ATP8A1: variants seen among roughly 807,000 people sequenced by gnomAD.
ATP8A1 encodes phospholipid-transporting ATPase IA.
A neutral mutation model predicts 177.7 loss-of-function variants in ATP8A1; 90 were observed. That is an observed-to-expected ratio of 0.51 (90% CI 0.43 to 0.60). ATP8A1 has a LOEUF of 0.60. ATP8A1 is among the 20% of genes least tolerant of loss of function. ATP8A1 has a pLI of 0.00. For synonymous variants in ATP8A1, 493 were observed against 485.9 expected (o/e 1.01, Z -0.19); for missense variants, 1,072 against 1,392.8 (o/e 0.77, Z 3.67).
intron 25 of ATP8A1, among the ~76,000 whole-genome samples, chr4:42,477,003 A>G (rs1721135813): frequency 6.6e-6 from 1 of 152,164 alleles, no homozygotes; most frequent in African/African-American, 2.4e-5. Context: ...CACATACACA[A>G]GCACACACAC....
chr4:42,606,855 A>T (rs1735844075), intron 5 of ATP8A1, among the ~76,000 whole-genome samples: 1 of 152,234 alleles, frequency 6.6e-6, no homozygotes, highest in African/African-American at 2.4e-5. Flanking sequence ...TTTATCAGAT[A>T]CAACCAGATA....
intron 15 of ATP8A1, chr4:42,562,141 C>T (rs1056572344): frequency 2.0e-5 from 3 of 152,200 alleles, no homozygotes; most frequent in African/African-American, 7.2e-5. Flanking sequence ...GGAGTCTCTT[C>T]TATTTTGGAG....
Position 42,575,669 on chromosome 4 carries a change from T to C in ATP8A1, c.1159A>G (p.Thr387Ala), listed in dbSNP as rs1364992384. ...DLDMHYEPTD[T>A]AAMARTSNLN... ...TTAGATGTTCGAGCCATAGCAGCAG[T>C]GTCTGTGGGTTCATAGTGCATGTCA... The change falls in exon 13 of 37, where the codon ACT becomes GCT. Residue 387 changes from threonine (T) to alanine (A), a missense_variant. Transcript: ENST00000381668. 1 of 1,613,740 alleles carries C rather than the reference T, an allele frequency of 6.2e-7. No individual in the cohort carries two copies. The highest frequency in any genetic ancestry group is 1.1e-5 in the South Asian group (1 of 91,078).
At chr4:42,503,782 C>T (rs1724086744) in intron 23 of ATP8A1, among the ~76,000 whole-genome samples, 1 of 152,146 alleles carries the variant, frequency 6.6e-6, no homozygotes, top group African/African-American at 2.4e-5. Context: ...CTGAAGCTGA[C>T]AAATGGATTT....
At chr4:42,450,819 T>C (rs1471409032) in intron 30 of ATP8A1, among the ~76,000 whole-genome samples, 1 of 152,228 alleles carries the variant, frequency 6.6e-6, no homozygotes, top group African/African-American at 2.4e-5. Flanking sequence ...CCTGCCCATC[T>C]GAAGCTTCAA....
chr4:42,577,058 T>TAAA (rs1293126223), intron 12 of ATP8A1, among the ~76,000 whole-genome samples: 2 of 152,232 alleles, frequency 1.3e-5, no homozygotes, highest in Non-Finnish European at 2.9e-5. Flanking sequence ...GTCAGTGTTC[T>TAAA]ATCTGTCAGA....
At chr4:42,466,070 T>G (rs1380164049) in intron 25 of ATP8A1, among the ~76,000 whole-genome samples, 2 of 128,550 alleles carry the variant, frequency 1.6e-5, no homozygotes, top group African/African-American at 5.8e-5. Context: ...GAATAAACAC[T>G]AGGACAAGGA....
At chr4:42,518,253 C>T (rs1658474140) in intron 22 of ATP8A1, among the ~76,000 whole-genome samples, 1 of 152,178 alleles carries the variant, frequency 6.6e-6, no homozygotes, top group Non-Finnish European at 1.5e-5. Context: ...AAAAACTTTA[C>T]AAATCTTTTA....
chr4:42,450,029 T>TG (rs1380074071), intron 30 of ATP8A1, among the ~76,000 whole-genome samples: 1 of 152,238 alleles, frequency 6.6e-6, no homozygotes, highest in East Asian at 1.9e-4. Context: ...AAATTTTACT[T>TG]GGAGAGCTTG....
At chr4:42,555,152 ATCTATCT>A (rs1730041442) in intron 16 of ATP8A1, among the ~76,000 whole-genome samples, 29 of 109,916 alleles carry the variant, frequency 2.6e-4, no homozygotes, top group Non-Finnish European at 3.8e-4. Context: ...CTATCTATCT[ATCTATCT>A]ATCTATCTAT....
At chr4:42,441,758 G>A (rs1397846661) in intron 33 of ATP8A1, among the ~76,000 whole-genome samples, 1 of 152,140 alleles carries the variant, frequency 6.6e-6, no homozygotes, top group African/African-American at 2.4e-5. Flanking sequence ...TGAATAAACA[G>A]ACATTTTGGA....
rs1032783630 is a variant in ATP8A1 at position 42,653,333 on chromosome 4, G to C, written c.49+3492C>G. Among the ~76,000 whole-genome samples, 3 of 26,986 alleles carry C rather than the reference G, an allele frequency of 1.1e-4. No homozygotes were observed. In the African/African-American group the frequency reaches 1.2e-3, roughly 11 times the overall value. 17.7% of individuals were successfully genotyped at this position (26,986 alleles called of 152,430 possible). On this transcript the variant is annotated intron_variant, in intron 1 of 36. Transcript: ENST00000381668. ...ACAAATTCTATAATTAGCATATTTT[G>C]TGTGTGTTTTGTCTCCTGCCTCACT...
chr4:42,551,342 G>A, intron 17 of ATP8A1, 62 bp from the exon 18 acceptor site: 1 of 1,160,742 alleles, frequency 8.6e-7, no homozygotes, highest in South Asian at 1.2e-5. Context: ...CTCAGCACAA[G>A]AGAAGTACAT....
rs577301638 is a variant in ATP8A1, at chr4:42,539,455, C to G, written c.1722+4462G>C. ...TTCTTCACAGTTAGAAAAAATAATC[C>G]TAAAATTCATATGGAATCAAAACAG... On this transcript the variant is annotated intron_variant, in intron 20 of 36. Coordinates refer to ENST00000381668, the MANE Select transcript of ATP8A1 (RefSeq NM_006095.2). Among the ~76,000 whole-genome samples the G allele has an allele frequency of 4.2e-5, 6 of 144,230 alleles. No homozygotes were observed. The South Asian group carries it at 1.3e-3, about 32-fold the overall frequency. The allele number at this position is 144,230 out of a possible 152,430, so 94.6% of individuals were successfully genotyped here.
At chr4:42,616,341 A>C (rs1419953398) in intron 4 of ATP8A1, among the ~76,000 whole-genome samples, 1 of 152,236 alleles carries the variant, frequency 6.6e-6, no homozygotes, top group Non-Finnish European at 1.5e-5. Flanking sequence ...TGTGGTCCTC[A>C]CAAGGATCTT....
At chr4:42,461,641 G>A (rs1029648899) in intron 27 of ATP8A1, among the ~76,000 whole-genome samples, 9 of 152,132 alleles carry the variant, frequency 5.9e-5, no homozygotes, top group African/African-American at 1.7e-4. Flanking sequence ...CATCAGCAGC[G>A]TGAGAACAGA....
intron 25 of ATP8A1, among the ~76,000 whole-genome samples, chr4:42,467,512 T>C (rs1482195855): frequency 2.0e-5 from 3 of 152,016 alleles, no homozygotes; most frequent in African/African-American, 7.3e-5. Context: ...GGCAACATGG[T>C]AAAATCCAAT....
rs749111379 is a variant in ATP8A1, at chr4:42,446,625, C to T, written c.2916G>A (p.Gly972=). The T allele has an allele frequency of 5.6e-6, 9 of 1,613,782 alleles. No homozygotes were observed. The East Asian group carries it at 2.0e-4, about 36-fold the overall frequency. The change falls in exon 31 of 37, where the codon GGG becomes GGA. Residue 972 remains glycine (G), a synonymous_variant. Coordinates refer to ENST00000381668, the MANE Select transcript of ATP8A1 (RefSeq NM_006095.2). ...ALQYGTAFGN[G]KTSDYLLLGN... is the part of the protein sequence containing the mutation. ...CCAGTAGCAGATAATCCGAGGTTTT[C>T]CCATTTCCAAATGCAGTACCTGTAC...
intron 25 of ATP8A1, among the ~76,000 whole-genome samples, chr4:42,477,924 G>C (rs1000972749): frequency 6.6e-6 from 1 of 151,882 alleles, no homozygotes. Context: ...TCGAAGCTTC[G>C]GTGAGCTAAG....
Sources: allele counts gnomAD v4.1 joint callset (sites outside exome capture counted in the v4.1 genomes callset), GRCh38; gene constraint gnomAD v4.1.1; transcripts MANE v1.5; gene names NCBI Gene and HGNC (gene_info 2026-07-23, HGNC 2026-07-21).